PHACTR1: variants seen among roughly 807,000 people sequenced by gnomAD.
The protein encoded by PHACTR1 is phosphatase and actin regulator 1, also known as RPEL repeat containing 1.
In PHACTR1, 16 loss-of-function variants were observed where a neutral mutation model predicts 69.2. That is an observed-to-expected ratio of 0.23 (90% CI 0.16 to 0.35). The LOEUF is 0.35. Ranked by LOEUF, PHACTR1 falls within the 10% of genes least tolerant of loss-of-function variation. The pLI is 1.00. For synonymous variants in PHACTR1, 312 were observed against 284.5 expected (o/e 1.10, Z -0.97); for missense variants, 510 against 734.7 (o/e 0.69, Z 3.54).
chr6:13,256,133 C>T (rs1197987134), intron 10 of PHACTR1, among the ~76,000 whole-genome samples: 1 of 152,266 alleles, frequency 6.6e-6, no homozygotes. Context: ...AATATGGAAG[C>T]CACCAAGGCG....
intron 4 of PHACTR1, among the ~76,000 whole-genome samples, chr6:12,871,598 G>T (rs917299684): frequency 2.6e-5 from 4 of 152,010 alleles, no homozygotes; most frequent in African/African-American, 9.7e-5. Flanking sequence ...AAACTGGCCT[G>T]ATAAGATTCA....
At chr6:13,174,409 G>C (rs1434444939) in intron 6 of PHACTR1, among the ~76,000 whole-genome samples, 3 of 152,194 alleles carry the variant, frequency 2.0e-5, no homozygotes, top group Non-Finnish European at 2.9e-5. Flanking sequence ...TTGCAAGCAT[G>C]CATGTGTAAA....
chr6:13,168,149 C>T lies in PHACTR1; in HGVS notation c.496+7865C>T, dbSNP rs183056202. ...TCTGAAAGCTGTGATTTGGAGTAAC[C>T]ATGTGAAAATGAAAAGAGTGTTTAC... On this transcript the variant is annotated intron_variant, in intron 6 of 14. Coordinates refer to ENST00000332995, the MANE Select transcript of PHACTR1 (RefSeq NM_030948.6). Among the ~76,000 whole-genome samples the T allele has an allele frequency of 6.4e-4, 98 of 152,268 alleles. 2 individuals are homozygous for T. Among genetic ancestry groups the T allele is most frequent in the Non-Finnish European group, 7.2e-4 (49 of 68,024 alleles).
intron 4 of PHACTR1, among the ~76,000 whole-genome samples, chr6:13,022,493 T>C (rs1227887073): frequency 1.3e-5 from 2 of 152,206 alleles, no homozygotes; most frequent in African/African-American, 2.4e-5. Context: ...AAGATACTTA[T>C]ACGAAATTCA....
chr6:12,919,331 C>T (rs1192744457), intron 4 of PHACTR1, among the ~76,000 whole-genome samples: 2 of 151,896 alleles, frequency 1.3e-5, no homozygotes, highest in African/African-American at 2.4e-5. Context: ...TTAGTAGAGA[C>T]GGGGTTTCAC....
chr6:13,128,397 T>A (rs202186669), intron 5 of PHACTR1, among the ~76,000 whole-genome samples: 3 of 151,372 alleles, frequency 2.0e-5, no homozygotes, highest in East Asian at 3.9e-4. Context: ...AAATAAATTT[T>A]TTTTTAAATG....
In PHACTR1 at chr6:12,777,672, C is replaced by T. The variant is rs182654289; in HGVS notation, c.250+27882C>T. On this transcript the variant is annotated intron_variant, in intron 4 of 14. Coordinates refer to ENST00000332995, the MANE Select transcript of PHACTR1 (RefSeq NM_030948.6). ...TTTGAGACAGAGTCTTGCTCTGTCA[C>T]CCAGGCTGGAGTACAGTGGTGTGAT... Among the ~76,000 whole-genome samples the T allele has an allele frequency of 1.5e-3, 198 of 130,608 alleles. 1 individual carries two copies. The highest frequency in any genetic ancestry group is 4.4e-3 in the African/African-American group (161 of 36,500). The allele number at this position is 130,608 out of a possible 152,430, so 85.7% of individuals were successfully genotyped here.
At chr6:13,206,322 A>G (rs531386945) in intron 8 of PHACTR1, among the ~76,000 whole-genome samples, 186 bp downstream of exon 8, 1 of 152,338 alleles carries the variant, frequency 6.6e-6, no homozygotes, top group African/African-American at 2.4e-5. Flanking sequence ...TTGCCAATTG[A>G]AAAGCTCTGG....
chr6:12,873,177 A>C (rs1481570556), intron 4 of PHACTR1, among the ~76,000 whole-genome samples: 1 of 151,766 alleles, frequency 6.6e-6, no homozygotes, highest in South Asian at 2.1e-4. Context: ...ACACCCAGCT[A>C]ACTTTTTAAA....
At chr6:13,256,737 C>G (rs1352258629) in intron 10 of PHACTR1, among the ~76,000 whole-genome samples, 4 of 152,228 alleles carry the variant, frequency 2.6e-5, no homozygotes, top group Non-Finnish European at 5.9e-5. Context: ...GCCCCAGTTC[C>G]CAATAAGTTC....
intron 3 of PHACTR1, among the ~76,000 whole-genome samples, chr6:12,730,990 ATTTAT>A (rs1488990226): frequency 3.6e-4 from 41 of 113,186 alleles, no homozygotes; most frequent in African/African-American, 1.3e-3. Flanking sequence ...TACCTTTTTT[ATTTAT>A]TTATTTATTT....
At chr6:13,260,731 A>G (rs1333097073) in intron 10 of PHACTR1, among the ~76,000 whole-genome samples, 1 of 152,216 alleles carries the variant, frequency 6.6e-6, no homozygotes, top group East Asian at 1.9e-4. Context: ...CTGGGCTTTT[A>G]TCACACCTGA....
chr6:13,243,004 A>C (rs995606991), intron 10 of PHACTR1, among the ~76,000 whole-genome samples: 1 of 152,232 alleles, frequency 6.6e-6, no homozygotes, highest in Admixed American at 6.5e-5. Context: ...GAAAAGACAC[A>C]GCAAGTTCCA....
At position 12,812,706 on chromosome 6, in the gene PHACTR1, C is replaced by A. The variant is rs60890546; in HGVS notation, c.250+62916C>A. Among the ~76,000 whole-genome samples the A allele has an allele frequency of 5.0e-3, 757 of 152,302 alleles. 9 individuals are homozygous for A. Among genetic ancestry groups the A allele is most frequent in the African/African-American group, 0.017 (724 of 41,558 alleles). On this transcript the variant is annotated intron_variant, in intron 4 of 14. Transcript: ENST00000332995. Reference sequence around the variant, plus strand: ...ATTCTCTGCTGATACGTTAGTGATTCGAGCACAACATTTCAGAGTAGGCCA... The same window carrying A: ...ATTCTCTGCTGATACGTTAGTGATTAGAGCACAACATTTCAGAGTAGGCCA...
rs1779420076 is a variant in PHACTR1 at position 13,278,456 on chromosome 6, ACT to A, written c.1509+132_1509+133del. ...CTCTCCTCCTGTGTCAGAGAGTGCC[ACT>A]CTCTTACTCTATAAGACCTCTCCAC... On this transcript the variant is annotated intron_variant, in intron 12 of 14. Coordinates refer to ENST00000332995, the MANE Select transcript of PHACTR1 (RefSeq NM_030948.6). The A allele has an allele frequency of 5.4e-6, 4 of 744,866 alleles. No homozygotes were observed. The Admixed American group carries it at 8.1e-5, about 15-fold the overall frequency. 46.1% of individuals were successfully genotyped at this position (744,866 alleles called of 1,614,324 possible).
chr6:12,906,594 G>T (rs915002717), intron 4 of PHACTR1, among the ~76,000 whole-genome samples: 3 of 151,982 alleles, frequency 2.0e-5, no homozygotes, highest in African/African-American at 7.2e-5. Flanking sequence ...GAATTTTTTG[G>T]CTCTAGGGAT....
At chr6:13,068,756 T>A (rs1187605638) in intron 5 of PHACTR1, among the ~76,000 whole-genome samples, 1 of 152,190 alleles carries the variant, frequency 6.6e-6, no homozygotes, top group African/African-American at 2.4e-5. Context: ...TTTATCCTGT[T>A]TCTCCTTTGC....
At chr6:13,000,047 A>G (rs527635661) in intron 4 of PHACTR1, among the ~76,000 whole-genome samples, 54 of 152,358 alleles carry the variant, frequency 3.5e-4, no homozygotes, top group African/African-American at 1.2e-3. Flanking sequence ...AAGGTGGCAC[A>G]AAGGACTGAG....
chr6:12,941,781 A>G (rs1463885843), intron 4 of PHACTR1, among the ~76,000 whole-genome samples: 1 of 152,188 alleles, frequency 6.6e-6, no homozygotes, highest in Non-Finnish European at 1.5e-5. Context: ...CATACAAGCA[A>G]AAGTATATGC....
Sources: allele counts gnomAD v4.1 joint callset (sites outside exome capture counted in the v4.1 genomes callset), GRCh38; gene constraint gnomAD v4.1.1; transcripts MANE v1.5; gene names NCBI Gene and HGNC (gene_info 2026-07-23, HGNC 2026-07-21).